RNF217: variants seen among roughly 807,000 people sequenced by gnomAD.
RNF217 encodes the protein ring finger protein 217, also known as E3 ubiquitin-protein ligase RNF217.
In RNF217, 31 loss-of-function variants were observed where a neutral mutation model predicts 57.8. The ratio of observed to expected loss-of-function variants is 0.54; its 90% CI spans 0.40 to 0.72. The LOEUF is 0.72. Ranked by LOEUF, RNF217 falls within the 30% of genes least tolerant of loss-of-function variation. RNF217 has a pLI of 0.00. For missense variants in RNF217, 696 were observed against 708.3 expected (o/e 0.98, Z 0.20); for synonymous variants, 313 against 294.0 (o/e 1.06, Z -0.66).
intron 1 of RNF217, among the ~76,000 whole-genome samples, chr6:124,966,454 C>G (rs1783546050): frequency 6.6e-6 from 1 of 152,180 alleles, no homozygotes; most frequent in South Asian, 2.1e-4. Context: ...TAAAAGGTCT[C>G]TTAGGTTTGA....
In RNF217 at chr6:125,088,326, TAAGAA is replaced by T; in HGVS notation, c.*5391_*5395del. ...GATGCAAACCAATGATACAAATCTT[TAAGAA>T]AGAATTACAGTGGGACTCCTTTGAA... On this transcript the variant is annotated 3_prime_UTR_variant, in exon 6 of 6. Transcript: ENST00000521654. 6.6e-6 allele frequency: 1 copy of T among 152,242 alleles called. No homozygotes were observed. The highest frequency in any genetic ancestry group is 1.9e-4 in the East Asian group (1 of 5,174). The allele number at this position is 152,242 out of a possible 1,614,324, so 9.4% of individuals were successfully genotyped here.
intron 5 of RNF217, chr6:125,082,410 G>A (rs1428848942): frequency 1.2e-5 from 18 of 1,539,476 alleles, no homozygotes; most frequent in Non-Finnish European, 1.6e-5. Context: ...ATGTGAGTTA[G>A]GACATTATGT....
intron 1 of RNF217, among the ~76,000 whole-genome samples, chr6:125,028,325 T>G (rs1435552138): frequency 6.6e-6 from 1 of 152,114 alleles, no homozygotes; most frequent in Non-Finnish European, 1.5e-5. Context: ...GACCCCAAGA[T>G]AGGAGCACCT....
At chr6:125,059,923 C>T (rs1348989083) in intron 3 of RNF217, among the ~76,000 whole-genome samples, 1 of 152,082 alleles carries the variant, frequency 6.6e-6, no homozygotes, top group African/African-American at 2.4e-5. Context: ...AGCAGAGAGC[C>T]TACTTTCTGG....
intron 4 of RNF217, among the ~76,000 whole-genome samples, chr6:125,079,485 A>G (rs1788498577): frequency 6.6e-6 from 1 of 152,086 alleles, no homozygotes; most frequent in African/African-American, 2.4e-5. Context: ...GAAGAAATAC[A>G]AATAGCCAAT....
intron 4 of RNF217, among the ~76,000 whole-genome samples, chr6:125,080,497 T>C (rs1402780022): frequency 6.6e-6 from 1 of 152,154 alleles, no homozygotes; most frequent in Non-Finnish European, 1.5e-5. Context: ...ATGATATTGC[T>C]GTTTCATCCT....
At chr6:125,008,043 T>G (rs1343994025) in intron 1 of RNF217, among the ~76,000 whole-genome samples, 1 of 151,812 alleles carries the variant, frequency 6.6e-6, no homozygotes, top group Non-Finnish European at 1.5e-5. Flanking sequence ...GATCACGAGG[T>G]CAGTAGATCA....
At chr6:125,044,547 C>A (rs936457688) in intron 1 of RNF217, among the ~76,000 whole-genome samples, 1 of 151,968 alleles carries the variant, frequency 6.6e-6, no homozygotes, top group East Asian at 1.9e-4. Context: ...TGTAAATTAC[C>A]GCAGTAGCAG....
At chr6:124,985,769 G>T (rs113149022) in intron 1 of RNF217, among the ~76,000 whole-genome samples, 9 of 152,206 alleles carry the variant, frequency 5.9e-5, no homozygotes, top group African/African-American at 2.2e-4. Flanking sequence ...GAGAGAGGTA[G>T]CAAGGAATTA....
intron 3 of RNF217, among the ~76,000 whole-genome samples, chr6:125,060,354 T>TAC (rs1491411332): frequency 9.2e-6 from 1 of 108,696 alleles, no homozygotes; most frequent in Non-Finnish European, 1.9e-5. Flanking sequence ...TATATATGTG[T>TAC]ATACACACAC....
At chr6:125,008,738 C>CTG (rs1554285692) in intron 1 of RNF217, 3 of 133,458 alleles carry the variant, frequency 2.2e-5, no homozygotes, top group Non-Finnish European at 4.7e-5. Flanking sequence ...CAGGGGCTAC[C>CTG]TTTTTTTTTT....
intron 1 of RNF217, among the ~76,000 whole-genome samples, chr6:124,998,474 ACAT>A (rs1784833338): frequency 6.6e-6 from 1 of 152,160 alleles, no homozygotes; most frequent in South Asian, 2.1e-4. Flanking sequence ...TTTTCTATAT[ACAT>A]TTTTTTAATA....
intron 3 of RNF217, among the ~76,000 whole-genome samples, chr6:125,058,903 T>A (rs1562489715): frequency 6.6e-6 from 1 of 152,216 alleles, no homozygotes; most frequent in African/African-American, 2.4e-5. Context: ...TTGCCAAATT[T>A]ATTTTTGGAA....
At chr6:125,016,224 T>C (rs1785596948) in intron 1 of RNF217, among the ~76,000 whole-genome samples, 1 of 152,172 alleles carries the variant, frequency 6.6e-6, no homozygotes, top group Non-Finnish European at 1.5e-5. Flanking sequence ...TTCCAGGCTT[T>C]AAGAAATTTC....
At chr6:125,034,115 G>T (rs371476022) in intron 1 of RNF217, among the ~76,000 whole-genome samples, 1 of 151,996 alleles carries the variant, frequency 6.6e-6, no homozygotes, top group Non-Finnish European at 1.5e-5. Context: ...AGATGAGTAG[G>T]TTGCGAAAAT....
intron 1 of RNF217, among the ~76,000 whole-genome samples, chr6:124,984,403 C>A (rs1038422731): frequency 6.6e-6 from 1 of 151,890 alleles, no homozygotes; most frequent in African/African-American, 2.4e-5. Context: ...AAAAAAGTAA[C>A]CAGGTGTGGT....
In RNF217 at chr6:125,092,531, C is replaced by T. The variant is rs1243877101; in HGVS notation, c.*9594C>T. ...ACTATTTTGATGGTCATTGTACGAG[C>T]TATTGTATGGATTACTGTGGAGTGC... is the stretch of plus-strand genomic sequence containing the variant. On this transcript the variant is annotated 3_prime_UTR_variant, in exon 6 of 6. Transcript: ENST00000521654. 1.3e-5 allele frequency: 2 copies of T among 152,084 alleles called. No individual in the cohort carries two copies. The highest frequency in any genetic ancestry group is 6.5e-5 in the Admixed American group (1 of 15,272). The allele number at this position is 152,084 out of a possible 1,614,324, so 9.4% of individuals were successfully genotyped here. A position where few individuals can be genotyped will look rare whatever the true frequency, so the allele number is the denominator to read the frequency against.
intron 1 of RNF217, among the ~76,000 whole-genome samples, chr6:125,017,901 G>T (rs1053327536): frequency 6.6e-6 from 1 of 152,120 alleles, no homozygotes; most frequent in African/African-American, 2.4e-5. Flanking sequence ...CTAAGGGAAA[G>T]AATTCACTTT....
chr6:125,060,975 C>T (rs1326707245), intron 3 of RNF217, among the ~76,000 whole-genome samples: 2 of 152,136 alleles, frequency 1.3e-5, no homozygotes, highest in Non-Finnish European at 2.9e-5. Context: ...ACATTGCAAA[C>T]ATTTCTCATA....
Sources: allele counts gnomAD v4.1 joint callset (sites outside exome capture counted in the v4.1 genomes callset), GRCh38; gene constraint gnomAD v4.1.1; transcripts MANE v1.5; gene names NCBI Gene and HGNC (gene_info 2026-07-23, HGNC 2026-07-21).